C3: variants seen among roughly 807,000 people sequenced by gnomAD.
C3 encodes complement C3.
C3 carries 97 observed loss-of-function variants against 207.9 expected under a neutral mutation model. The observed-to-expected ratio is 0.47, with a 90% CI of 0.40 to 0.55. The LOEUF (loss-of-function observed/expected upper bound fraction) is 0.55, where lower values mean the gene tolerates loss of function less well. Among genes scored for constraint, C3 ranks in the 20% least tolerant of loss-of-function variants. C3 has a pLI of 0.00. For synonymous variants in C3, 848 were observed against 857.6 expected, an observed-to-expected ratio of 0.99 and a Z score of 0.20; for missense variants, 1,684 against 2,171.7, an observed-to-expected ratio of 0.78 and a Z score of 4.46.
Position 6,710,697 on chromosome 19 carries a change from T to A in C3, c.1628A>T (p.Gln543Leu), listed in dbSNP as rs1300701185. The A allele has an allele frequency of 6.2e-7, 1 of 1,613,608 alleles. No homozygotes were observed. Among genetic ancestry groups the A allele is most frequent in the East Asian group, 2.2e-5 (1 of 44,858 alleles). The change falls in exon 13 of 41, where the codon CAG becomes CTG. Residue 543 changes from glutamine (Q) to leucine (L), a missense_variant. Gln to Leu is a moderately radical substitution (Grantham distance 113). This residue lies in a region of C3 where 1,280 missense variants were observed against 1,739.1 expected (regional missense o/e 0.74). Transcript: ENST00000245907. ...CACGGAGTCGGCCACCACCTCCCTC[T>A]GGCCGCTGGCACCGATCAGCGTGTA... ...AYYTLIGASG[Q>L]REVVADSVWV...
In C3 at chr19:6,713,040, CCT is replaced by C. The variant is rs1967952512; in HGVS notation, c.1003+147_1003+148del. On this transcript the variant is annotated intron_variant, in intron 9 of 40. Coordinates refer to ENST00000245907, the MANE Select transcript of C3 (RefSeq NM_000064.4). ...GAATCCATCTTCATACTCGGCCTCC[CCT>C]CTCAGACTGGGCCTACCCCATCAGA... 9 of 935,382 alleles carry C rather than the reference CCT, an allele frequency of 9.6e-6. No individual in the cohort carries two copies. In the South Asian group the frequency reaches 1.3e-4, roughly 13 times the overall value. The allele number at this position is 935,382 out of a possible 1,614,324, so 57.9% of individuals were successfully genotyped here. A position where few individuals can be genotyped will look rare whatever the true frequency, so the allele number is the denominator to read the frequency against.
At chr19:6,697,631 C>T in intron 20 of C3, 21 bp downstream of exon 20, 1 of 1,614,072 alleles carries the variant, frequency 6.2e-7, no homozygotes, top group Non-Finnish European at 8.5e-7. Context: ...TCCAAGAAGC[C>T]TCTGCCACCC....
chr19:6,685,998 C>T (rs543053699), intron 29 of C3, 126 bp downstream of exon 29: 50 of 957,870 alleles, frequency 5.2e-5, no homozygotes, highest in Non-Finnish European at 8.2e-5. Flanking sequence ...CTCAACTCCA[C>T]TGCAATCACA....
chr19:6,710,417 TAAAGAGAGAGGGAAAGAGAGATGTAG>T (rs1269974397), intron 13 of C3, among the ~76,000 whole-genome samples, 196 bp downstream of exon 13: 178 of 106,290 alleles, frequency 1.7e-3, no homozygotes, highest in Non-Finnish European at 2.7e-3. Flanking sequence ...GAAAGAGAAA[TAAAGAGAGAGGGAAAGAGAGATGTAG>T]AGAGAGGGAA....
chr19:6,716,873 T>C (rs1462344461), intron 4 of C3: 1 of 152,144 alleles, frequency 6.6e-6, no homozygotes, highest in Non-Finnish European at 1.5e-5. Context: ...AGAGACCTCA[T>C]TGTAAAATTG....
intron 29 of C3, 109 bp downstream of exon 29, chr19:6,686,015 C>G (rs1446620429): frequency 1.6e-5 from 17 of 1,089,360 alleles, no homozygotes; most frequent in Non-Finnish European, 2.3e-5. Context: ...CACACTGGCT[C>G]GTGGGAATGA....
chr19:6,687,955 C>T (rs1456170311), intron 27 of C3, among the ~76,000 whole-genome samples: 1 of 150,932 alleles, frequency 6.6e-6, no homozygotes, highest in African/African-American at 2.4e-5. Context: ...CTCTCGGGTT[C>T]AAGTGATTCT....
chr19:6,717,595 T>G, intron 4 of C3: 1 of 261,464 alleles, frequency 3.8e-6, no homozygotes, highest in Non-Finnish European at 7.6e-6. Flanking sequence ...GTGTGTTGTG[T>G]GTTGTGTGTG....
At chr19:6,714,275 C>G (rs890578418) in intron 5 of C3, 27 bp from the exon 6 acceptor site, 8 of 1,613,100 alleles carry the variant, frequency 5.0e-6, no homozygotes, top group Non-Finnish European at 6.8e-6. Flanking sequence ...TGAGTGGTCT[C>G]TCAGGCCTCG....
At chr19:6,703,825 G>A (rs912820560) in intron 17 of C3, among the ~76,000 whole-genome samples, 15 of 152,112 alleles carry the variant, frequency 9.9e-5, no homozygotes, top group African/African-American at 3.6e-4. Context: ...GCATGCGCCT[G>A]TAATCCCAGC....
intron 21 of C3, 21 bp downstream of exon 21, chr19:6,697,323 G>A: frequency 6.3e-7 from 1 of 1,589,176 alleles, no homozygotes; most frequent in Non-Finnish European, 8.6e-7. Flanking sequence ...ACAAGGGTTT[G>A]TGGGTGCCCC....
At chr19:6,713,942 C>T in intron 7 of C3, 50 bp downstream of exon 7, 10 of 1,214,722 alleles carry the variant, frequency 8.2e-6, no homozygotes, top group Non-Finnish European at 1.2e-5. Context: ...ACCTGGTCTT[C>T]ACCTGGTCCC....
chr19:6,686,312 A>T, intron 28 of C3, 25 bp from the exon 29 acceptor site: 1 of 1,613,100 alleles, frequency 6.2e-7, no homozygotes, highest in Non-Finnish European at 8.5e-7. Flanking sequence ...CCCCATCCCC[A>T]GTGCTCACTG....
At chr19:6,693,204 A>G (rs1342034498) in intron 25 of C3, 121 bp from the exon 26 acceptor site, 4 of 1,262,434 alleles carry the variant, frequency 3.2e-6, no homozygotes, top group Non-Finnish European at 4.5e-6. Flanking sequence ...TTGCCTTCCC[A>G]GGCCCCAGGA....
rs559746063 is a variant in C3, at chr19:6,713,574, C to G, written c.774-65G>C. 185 of 1,279,124 alleles carry G rather than the reference C, an allele frequency of 1.4e-4. No homozygotes were observed. In the African/African-American group the frequency reaches 2.3e-3, roughly 16 times the overall value. 79.2% of individuals were successfully genotyped at this position (1,279,124 alleles called of 1,614,324 possible). On this transcript the variant is annotated intron_variant, in intron 7 of 40. Transcript: ENST00000245907. ...TGGAGAATGGGATCTCCCCCAGCTT[C>G]TCCTGCCTGTGCTGAAGACTGGAGC... is the stretch of plus-strand genomic sequence containing the variant.
At chr19:6,687,628 T>G (rs1212639576) in intron 27 of C3, among the ~76,000 whole-genome samples, 2 of 152,164 alleles carry the variant, frequency 1.3e-5, no homozygotes, top group East Asian at 3.8e-4. Flanking sequence ...ACCAATATGG[T>G]GTCGTTGAAT....
intron 29 of C3, among the ~76,000 whole-genome samples, 177 bp downstream of exon 29, chr19:6,685,946 TC>T (rs1156667747): frequency 6.6e-6 from 1 of 152,162 alleles, no homozygotes; most frequent in East Asian, 1.9e-4. Flanking sequence ...CAGATTGTAT[TC>T]TAGAACCTAT....
intron 35 of C3, among the ~76,000 whole-genome samples, chr19:6,680,947 C>T (rs993364095): frequency 3.3e-5 from 5 of 152,034 alleles, no homozygotes; most frequent in African/African-American, 1.2e-4. Context: ...GCTTGGAATC[C>T]CAGCCCTTTG....
intron 24 of C3, 26 bp from the exon 25 acceptor site, chr19:6,693,513 A>G: frequency 1.2e-6 from 2 of 1,602,172 alleles, no homozygotes; most frequent in Non-Finnish European, 8.5e-7. Context: ...AGGAACCCCC[A>G]AAAGAGCCGG....
Sources: gnomAD v4.1 joint callset for allele counts (sites outside exome capture counted in the v4.1 genomes callset) on GRCh38, gnomAD v4.1.1 for gene constraint, gnomAD v4.1.1 regional missense constraint, MANE v1.5 for transcripts, NCBI Gene and HGNC (gene_info 2026-07-23, HGNC 2026-07-21) for gene names.